The following LRBA variants were observed in gnomAD, a reference collection of about 807,000 sequenced individuals.
LRBA encodes the protein LPS responsive beige-like anchor protein, also known as lipopolysaccharide-responsive and beige-like anchor protein.
A neutral mutation model predicts 330.0 loss-of-function variants in LRBA; 176 were observed. That is an observed-to-expected ratio of 0.53 (90% CI 0.47 to 0.60). The LOEUF (loss-of-function observed/expected upper bound fraction) is 0.60, where lower values mean the gene tolerates loss of function less well. Among genes scored for constraint, LRBA ranks in the 20% least tolerant of loss-of-function variants. The pLI, the probability that LRBA is intolerant of heterozygous loss-of-function variation, is 0.00. For missense variants in LRBA, 3,259 were observed against 3,444.8 expected (o/e 0.95, Z 1.35); for synonymous variants, 1,230 against 1,193.0 (o/e 1.03, Z -0.64).
chr4:150,423,811 A>C (rs1749165082), intron 46 of LRBA, among the ~76,000 whole-genome samples: 1 of 152,202 alleles, frequency 6.6e-6, no homozygotes. Flanking sequence ...GAACTGTTTT[A>C]GGGTCTGGGA....
chr4:150,883,587 A>C (rs1728637760), intron 17 of LRBA, among the ~76,000 whole-genome samples: 1 of 152,216 alleles, frequency 6.6e-6, no homozygotes, highest in Admixed American at 6.5e-5. Context: ...CTCTCTTTTT[A>C]AATCATCGAA....
At chr4:150,367,784 T>G (rs78980586) in intron 47 of LRBA, among the ~76,000 whole-genome samples, 25 of 152,286 alleles carry the variant, frequency 1.6e-4, no homozygotes, top group African/African-American at 5.8e-4. Context: ...ATAAAAAGCA[T>G]GAAGAAAGGG....
At chr4:150,598,689 A>C (rs1773780407) in intron 38 of LRBA, among the ~76,000 whole-genome samples, 1 of 152,218 alleles carries the variant, frequency 6.6e-6, no homozygotes, top group Non-Finnish European at 1.5e-5. Flanking sequence ...CATGGATTTA[A>C]GGCATGCCTC....
intron 2 of LRBA, among the ~76,000 whole-genome samples, chr4:150,955,498 G>C (rs999727994): frequency 2.7e-5 from 4 of 148,774 alleles, no homozygotes. Flanking sequence ...ACCCACCTGT[G>C]GTCTAGCTAC....
At chr4:150,407,481 C>A (rs1319201287) in intron 47 of LRBA, among the ~76,000 whole-genome samples, 1 of 152,018 alleles carries the variant, frequency 6.6e-6, no homozygotes, top group African/African-American at 2.4e-5. Flanking sequence ...AAAAAAACAA[C>A]TAGACAGAAA....
At chr4:150,793,419 T>C (rs568917200) in intron 34 of LRBA, among the ~76,000 whole-genome samples, 1 of 152,252 alleles carries the variant, frequency 6.6e-6, no homozygotes, top group East Asian at 1.9e-4. Flanking sequence ...TTAATGAAAA[T>C]GAAGATTTAA....
chr4:150,329,068 G>C (rs1035096546), intron 48 of LRBA, among the ~76,000 whole-genome samples: 1 of 152,032 alleles, frequency 6.6e-6, no homozygotes, highest in African/African-American at 2.4e-5. Flanking sequence ...TGAGGAAAAG[G>C]CTTTTTTAAA....
chr4:150,661,638 TCTCA>T (rs1276540310), intron 37 of LRBA, among the ~76,000 whole-genome samples: 2 of 152,026 alleles, frequency 1.3e-5, no homozygotes, highest in African/African-American at 4.8e-5. Flanking sequence ...TGAGACTGAG[TCTCA>T]CTCTATCGCC....
intron 16 of LRBA, among the ~76,000 whole-genome samples, chr4:150,894,536 A>G (rs1022981397): frequency 2.0e-5 from 3 of 152,208 alleles, no homozygotes; most frequent in African/African-American, 7.2e-5. Context: ...GCCAACTTGG[A>G]CAATACTGAC....
intron 55 of LRBA, among the ~76,000 whole-genome samples, chr4:150,278,258 A>G (rs754825007): frequency 3.3e-5 from 5 of 152,200 alleles, no homozygotes; most frequent in Non-Finnish European, 7.3e-5. Context: ...TTCCAGTTCT[A>G]CAAATGCTAC....
At position 150,350,015 on chromosome 4, in the gene LRBA, T is replaced by C. The variant is rs754778401; in HGVS notation, c.7339A>G (p.Ile2447Val). ...ACCTCTCTCAACACAGGATCAGTTA[T>C]TGAATTCAGATTGACAGCTCCTTCA... ...TYEGAVNLNS[I>V]TDPVLREAVE... Residue 2447 changes from isoleucine (I) to valine (V), a missense_variant, in exon 48 of 57, where the codon ATA becomes GTA. Coordinates refer to ENST00000651943, the MANE Select transcript of LRBA (RefSeq NM_001364905.1). 1.4e-5 allele frequency: 23 copies of C among 1,613,660 alleles called. No homozygotes were observed. The Admixed American group carries it at 2.3e-4, about 16-fold the overall frequency.
At chr4:150,670,228 CATCT>C (rs1004506979) in intron 37 of LRBA, among the ~76,000 whole-genome samples, 2 of 152,174 alleles carry the variant, frequency 1.3e-5, no homozygotes, top group African/African-American at 2.4e-5. Context: ...GATTTTTCTA[CATCT>C]ATTAATCTTT....
chr4:150,817,181 T>G lies in LRBA; in HGVS notation c.5248A>C (p.Ser1750Arg). 4 of 1,612,198 alleles carry G rather than the reference T, an allele frequency of 2.5e-6. No homozygotes were observed. Among genetic ancestry groups the G allele is most frequent in the Non-Finnish European group, 3.4e-6 (4 of 1,178,612 alleles). ...FNTSIPTNAV[S>R]VVSSVDSAQA... is the part of the protein sequence containing the mutation. The stretch of plus-strand genomic sequence containing the variant: ...GCTGAATCTACTGAGGAAACCACAC[T>G]GACAGCATTGGTAGGTATGCTTGTA... The change falls in exon 31 of 57, where the codon AGT (serine) becomes CGT (arginine). Residue 1750 changes from serine to arginine, a missense_variant. Coordinates refer to ENST00000651943, the MANE Select transcript of LRBA (RefSeq NM_001364905.1).
intron 40 of LRBA, among the ~76,000 whole-genome samples, chr4:150,511,662 G>A (rs1761848817): frequency 6.6e-6 from 1 of 152,176 alleles, no homozygotes; most frequent in Non-Finnish European, 1.5e-5. Context: ...TGTATCCCAG[G>A]ATCTATGCTA....
chr4:150,419,631 A>G (rs551012914), intron 46 of LRBA, among the ~76,000 whole-genome samples: 1 of 126,988 alleles, frequency 7.9e-6, no homozygotes, highest in Non-Finnish European at 1.6e-5. Context: ...CACTGATAAT[A>G]TCTTTTTTTT....
At chr4:150,331,176 A>G (rs1364819896) in intron 48 of LRBA, among the ~76,000 whole-genome samples, 1 of 152,196 alleles carries the variant, frequency 6.6e-6, no homozygotes, top group African/African-American at 2.4e-5. Context: ...TATGATTTGA[A>G]AAAGTCCCTC....
chr4:150,959,528 G>C (rs1737905583), intron 2 of LRBA, among the ~76,000 whole-genome samples: 1 of 149,206 alleles, frequency 6.7e-6, no homozygotes, highest in African/African-American at 2.6e-5. Context: ...CTGAAGAAGT[G>C]CCTACTGGCC....
At chr4:150,604,355 G>A (rs1410788452) in intron 37 of LRBA, among the ~76,000 whole-genome samples, 1 of 150,886 alleles carries the variant, frequency 6.6e-6, no homozygotes, top group Non-Finnish European at 1.5e-5. Flanking sequence ...TGTGAGCTCT[G>A]ATGATGGCAA....
At chr4:150,740,789 C>T (rs1731847603) in intron 35 of LRBA, among the ~76,000 whole-genome samples, 1 of 151,968 alleles carries the variant, frequency 6.6e-6, no homozygotes, top group Admixed American at 6.6e-5. Context: ...TCTGCATAAT[C>T]TGATGAGTTC....
Sources: allele counts gnomAD v4.1 joint callset (sites outside exome capture counted in the v4.1 genomes callset), GRCh38; gene constraint gnomAD v4.1.1; transcripts MANE v1.5; gene names NCBI Gene and HGNC (gene_info 2026-07-23, HGNC 2026-07-21).